Variants in PACSIN2 observed in about 807,000 individuals in gnomAD.
PACSIN2 encodes protein kinase C and casein kinase substrate in neurons protein 2.
A neutral mutation model predicts 63.8 loss-of-function variants in PACSIN2; 25 were observed. The ratio of observed to expected loss-of-function variants is 0.39; its 90% confidence interval spans 0.29 to 0.55. PACSIN2 has a LOEUF of 0.55. Among genes scored for constraint, PACSIN2 ranks in the 20% least tolerant of loss-of-function variants. PACSIN2 has a pLI of 0.62. For missense variants in PACSIN2, 518 were observed against 646.9 expected (o/e 0.80, Z 2.16); for synonymous variants, 255 against 256.2 (o/e 1.00, Z 0.05).
At position 42,884,521 on chromosome 22, in the gene PACSIN2, T is replaced by C. The variant is rs1157747388; in HGVS notation, c.650A>G (p.Gln217Arg). 1 of 1,613,964 alleles carries C rather than the reference T, an allele frequency of 6.2e-7. No individual in the cohort carries two copies. Among genetic ancestry groups the C allele is most frequent in the Non-Finnish European group, 8.5e-7 (1 of 1,179,986 alleles). ...KYEKSLKELD[Q>R]GTPQYMENME... ...GTTCTCCATGTACTGGGGTGTGCCCTGGTCGAGTTCCTTCAGGGACTTCTC... is the reference window on the plus strand; with the variant it reads ...GTTCTCCATGTACTGGGGTGTGCCCCGGTCGAGTTCCTTCAGGGACTTCTC... Residue 217 changes from glutamine to arginine, a missense_variant, in exon 6 of 11, where the codon CAG (glutamine) becomes CGG (arginine). Around this residue, in one of 2 missense-constraint regions of PACSIN2, gnomAD observed 507 missense variants for 612.3 expected, o/e 0.83. Coordinates refer to ENST00000263246, the MANE Select transcript of PACSIN2 (RefSeq NM_001184970.3).
chr22:42,942,848 T>C (rs1247955014), intron 1 of PACSIN2, among the ~76,000 whole-genome samples: 1 of 152,292 alleles, frequency 6.6e-6, no homozygotes, highest in East Asian at 1.9e-4. Context: ...GTGTGAGCCC[T>C]CCAACTTTGT....
chr22:43,008,242 A>G (rs796614323), intron 1 of PACSIN2, among the ~76,000 whole-genome samples: 7 of 152,280 alleles, frequency 4.6e-5, no homozygotes, highest in African/African-American at 1.7e-4. Flanking sequence ...GTGAGGCTCT[A>G]AAATTCAGTG....
At chr22:42,950,854 T>A (rs890743387) in intron 1 of PACSIN2, among the ~76,000 whole-genome samples, 5 of 152,072 alleles carry the variant, frequency 3.3e-5, no homozygotes, top group African/African-American at 1.2e-4. Flanking sequence ...TGGGTAGAAG[T>A]GACAAGGCCC....
chr22:42,964,705 C>T (rs149001083), intron 1 of PACSIN2, among the ~76,000 whole-genome samples: 2 of 152,154 alleles, frequency 1.3e-5, no homozygotes, highest in African/African-American at 4.8e-5. Flanking sequence ...CCAGGTGATC[C>T]ATCGGCAGCA....
chr22:42,885,979 GAC>G (rs1300471335), intron 5 of PACSIN2, among the ~76,000 whole-genome samples: 2 of 152,236 alleles, frequency 1.3e-5, no homozygotes, highest in Non-Finnish European at 2.9e-5. Context: ...AGAAGCCCAA[GAC>G]ACATAGCTGT....
chr22:42,878,913 T>G (rs1019386939), intron 8 of PACSIN2, 135 bp downstream of exon 8: 1 of 1,012,728 alleles, frequency 9.9e-7, no homozygotes, highest in Non-Finnish European at 1.4e-6. Flanking sequence ...GTGTCCAGGC[T>G]GGGCCACGGC....
intron 1 of PACSIN2, among the ~76,000 whole-genome samples, chr22:42,996,892 T>A (rs1351509526): frequency 6.6e-6 from 1 of 152,188 alleles, no homozygotes; most frequent in South Asian, 2.1e-4. Flanking sequence ...AAAACAAAGT[T>A]GTCATGAGAA....
chr22:42,992,766 T>C (rs988035655), intron 1 of PACSIN2, among the ~76,000 whole-genome samples: 13 of 152,226 alleles, frequency 8.5e-5, no homozygotes, highest in Non-Finnish European at 1.5e-4. Context: ...TGCCCATGCA[T>C]TGGATTTTTT....
chr22:42,957,143 T>C (rs1376916267), intron 1 of PACSIN2, among the ~76,000 whole-genome samples: 1 of 152,122 alleles, frequency 6.6e-6, no homozygotes, highest in Non-Finnish European at 1.5e-5. Context: ...AAGCAGCACC[T>C]CTTTAAGGAG....
intron 1 of PACSIN2, among the ~76,000 whole-genome samples, chr22:42,958,570 G>A (rs976958761): frequency 6.6e-5 from 10 of 152,190 alleles, no homozygotes; most frequent in Non-Finnish European, 1.0e-4. Context: ...CAAGAAGGAA[G>A]GGATCTGAAG....
chr22:42,901,878 T>A (rs1025911199), intron 2 of PACSIN2, among the ~76,000 whole-genome samples: 3 of 152,152 alleles, frequency 2.0e-5, no homozygotes, highest in African/African-American at 7.2e-5. Flanking sequence ...CACCAGGGCG[T>A]CTTCCTTCCG....
In PACSIN2 at chr22:42,952,313, T is replaced by G. The variant is rs540419794; in HGVS notation, c.-77-40156A>C. Among the ~76,000 whole-genome samples, 385 of 151,984 alleles carry G rather than the reference T, an allele frequency of 2.5e-3. 2 individuals carry two copies. The highest frequency in any genetic ancestry group is 9.2e-3 in the African/African-American group (380 of 41,520). On this transcript the variant is annotated intron_variant, in intron 1 of 10. Transcript: ENST00000263246. ...TGACTCTCCTGTTGAAGAAATTTAT[T>G]TATTTATTTATTATTTTATTTTATT...
intron 1 of PACSIN2, among the ~76,000 whole-genome samples, chr22:42,977,852 A>C (rs1921816478): frequency 6.6e-6 from 1 of 152,144 alleles, no homozygotes; most frequent in African/African-American, 2.4e-5. Context: ...TAGTTTCCTG[A>C]GGCCTCCTAG....
intron 1 of PACSIN2, among the ~76,000 whole-genome samples, chr22:42,921,739 GC>G (rs1160550804): frequency 7.5e-6 from 1 of 133,184 alleles, no homozygotes; most frequent in African/African-American, 2.6e-5. Flanking sequence ...TCATTTAGAA[GC>G]TTTTTTTTTT....
chr22:42,940,085 G>A lies in PACSIN2; in HGVS notation c.-77-27928C>T, dbSNP rs1406184733. 6.6e-5 allele frequency among the ~76,000 whole-genome samples: 10 copies of A among 152,138 alleles called. No individual in the cohort carries two copies. The South Asian group carries it at 1.0e-3, about 16-fold the overall frequency. The stretch of plus-strand genomic sequence containing the variant: ...CAGCCTGCTGCAGGGAAGCTCCTCC[G>A]AAGGCTGTAGGCAGGAGCGGGACAA... On this transcript the variant is annotated intron_variant, in intron 1 of 10. Transcript: ENST00000263246.
intron 1 of PACSIN2, among the ~76,000 whole-genome samples, chr22:42,916,357 A>T (rs1381891826): frequency 7.5e-6 from 1 of 133,746 alleles, no homozygotes; most frequent in Non-Finnish European, 1.6e-5. Context: ...AACCATGGCC[A>T]ATCTGGGAAC....
chr22:42,961,100 T>A (rs1419021883), intron 1 of PACSIN2, among the ~76,000 whole-genome samples: 1 of 151,964 alleles, frequency 6.6e-6, no homozygotes, highest in Non-Finnish European at 1.5e-5. Flanking sequence ...CCCAAGCGGG[T>A]GTATGTAGGG....
At chr22:42,987,494 C>CA (rs769969045) in intron 1 of PACSIN2, among the ~76,000 whole-genome samples, 6,585 of 67,692 alleles carry the variant, frequency 0.097, 337 homozygotes, top group East Asian at 0.19. Flanking sequence ...ACACACACAC[C>CA]CATGGCACCA....
intron 6 of PACSIN2, among the ~76,000 whole-genome samples, chr22:42,883,478 A>G (rs1383166999): frequency 6.6e-6 from 1 of 152,222 alleles, no homozygotes; most frequent in Non-Finnish European, 1.5e-5. Context: ...CACGTCCTTG[A>G]CTTAGCTGGG....
Sources: allele counts gnomAD v4.1 joint callset (sites outside exome capture counted in the v4.1 genomes callset), GRCh38; gene constraint gnomAD v4.1.1; regional missense constraint gnomAD v4.1.1; transcripts MANE v1.5; gene names NCBI Gene and HGNC (gene_info 2026-07-23, HGNC 2026-07-21).